Variants in GRM4 observed in about 807,000 individuals in gnomAD.
GRM4 encodes the protein glutamate metabotropic receptor 4, also known as metabotropic glutamate receptor 4.
Under a neutral mutation model 81.7 loss-of-function variants are expected in GRM4, and 28 were observed. The observed-to-expected ratio is 0.34, with a 90% CI of 0.25 to 0.47. The LOEUF is 0.47. GRM4 is among the 20% of genes least tolerant of loss of function. GRM4 has a pLI of 1.00. For synonymous variants in GRM4, 488 were observed against 528.8 expected (o/e 0.92, Z 1.06); for missense variants, 948 against 1,290.0 (o/e 0.73, Z 4.06).
chr6:34,065,060 G>T (rs1766385009), intron 3 of GRM4, among the ~76,000 whole-genome samples: 1 of 152,134 alleles, frequency 6.6e-6, no homozygotes, highest in Admixed American at 6.5e-5. Flanking sequence ...GAATAAAGGG[G>T]CAGTGTTTCA....
intron 1 of GRM4, among the ~76,000 whole-genome samples, chr6:34,153,651 T>C (rs1771090922): frequency 6.6e-6 from 1 of 152,134 alleles, no homozygotes; most frequent in Non-Finnish European, 1.5e-5. Flanking sequence ...TTTGGGAGGC[T>C]GAGGTGGGCG....
At chr6:34,142,949 A>AC (rs35581142) in intron 1 of GRM4, among the ~76,000 whole-genome samples, 39 of 151,384 alleles carry the variant, frequency 2.6e-4, no homozygotes, top group East Asian at 2.5e-3. Context: ...ACATGCTGCC[A>AC]CCCCCCCACC....
chr6:34,061,148 A>T (rs1338407357), intron 4 of GRM4: 3 of 152,246 alleles, frequency 2.0e-5, no homozygotes, highest in African/African-American at 7.2e-5. Context: ...CAGATATCTG[A>T]GGAGACCTGG....
At chr6:34,149,349 CT>C (rs1200292565), upstream of GRM4, among the ~76,000 whole-genome samples, 8 of 152,224 alleles carry the variant, frequency 5.3e-5, no homozygotes, top group Non-Finnish European at 1.0e-4. Flanking sequence ...TTGGTTTCCC[CT>C]AAACCAGGCC....
At chr6:34,066,339 A>G (rs1300533430) in intron 3 of GRM4, among the ~76,000 whole-genome samples, 2 of 152,186 alleles carry the variant, frequency 1.3e-5, no homozygotes, top group African/African-American at 2.4e-5. Flanking sequence ...TGTTTGCCCA[A>G]TGGGATATTA....
chr6:34,044,153 T>TACATAC lies in GRM4; in HGVS notation c.1169-3406_1169-3405insGTATGT, dbSNP rs1228921471. ...ACACACATATACATACATACACATA[T>TACATAC]ATACACATACACACACATATACATA... On this transcript the variant is annotated intron_variant, in intron 6 of 10. Transcript: ENST00000538487. Among the ~76,000 whole-genome samples the TACATAC allele has an allele frequency of 1.1e-3, 145 of 135,906 alleles. 2 individuals carry two copies. The East Asian group carries it at 0.024, about 22-fold the overall frequency. The allele number at this position is 135,906 out of a possible 152,430, so 89.2% of individuals were successfully genotyped here. A position where few individuals can be genotyped will look rare whatever the true frequency, so the allele number is the denominator to read the frequency against.
intron 6 of GRM4, among the ~76,000 whole-genome samples, chr6:34,046,257 C>T (rs1172065977): frequency 6.6e-6 from 1 of 152,204 alleles, no homozygotes; most frequent in African/African-American, 2.4e-5. Flanking sequence ...CACAAACCTT[C>T]ATGCATTTAC....
intron 6 of GRM4, among the ~76,000 whole-genome samples, chr6:34,044,260 A>G (rs1765176820): frequency 6.6e-6 from 1 of 151,428 alleles, no homozygotes; most frequent in African/African-American, 2.4e-5. Flanking sequence ...AGACATACAT[A>G]CATACACATA....
chr6:34,038,640 A>C (rs574259027), intron 8 of GRM4, among the ~76,000 whole-genome samples: 27 of 151,896 alleles, frequency 1.8e-4, no homozygotes, highest in African/African-American at 5.8e-4. Flanking sequence ...ACTCACGGAG[A>C]AAGTGGGGAA....
chr6:34,145,489 A>G (rs1770889425), intron 1 of GRM4, among the ~76,000 whole-genome samples: 1 of 152,230 alleles, frequency 6.6e-6, no homozygotes, highest in African/African-American at 2.4e-5. Context: ...GGGAGCGACC[A>G]GCGAGCGCAG....
intron 6 of GRM4, chr6:34,055,456 C>A: frequency 6.6e-6 from 1 of 152,320 alleles, no homozygotes. Context: ...CACCCACCCT[C>A]ATCACACTCA....
At chr6:34,099,627 G>A (rs760597384) in intron 2 of GRM4, among the ~76,000 whole-genome samples, 1 of 152,178 alleles carries the variant, frequency 6.6e-6, no homozygotes, top group Non-Finnish European at 1.5e-5. Context: ...CGCACCGCTG[G>A]GTTCAGGAGC....
chr6:34,037,161 G>A (rs892021943), intron 8 of GRM4, among the ~76,000 whole-genome samples: 6 of 152,266 alleles, frequency 3.9e-5, no homozygotes, highest in Admixed American at 6.5e-5. Context: ...ACAGCAGGGA[G>A]TTGGATTCAG....
rs370027065 is a variant in GRM4, at chr6:34,039,711, C to T, written c.1506+467G>A. 6.0e-4 allele frequency among the ~76,000 whole-genome samples: 91 copies of T among 152,268 alleles called. 1 individual carries two copies. Among genetic ancestry groups the T allele is most frequent in the Middle Eastern group, 3.4e-3 (1 of 294 alleles). On this transcript the variant is annotated intron_variant, in intron 8 of 10. Transcript: ENST00000538487. The stretch of plus-strand genomic sequence containing the variant: ...AACTGGCAACTGGCTCACTACCCAC[C>T]AGTCAGTGGCACAAATCCCACCGTT...
At chr6:34,128,913 T>C (rs1301847756) in intron 2 of GRM4, among the ~76,000 whole-genome samples, 3 of 152,218 alleles carry the variant, frequency 2.0e-5, no homozygotes, top group Non-Finnish European at 4.4e-5. Context: ...AAATTATTTC[T>C]GGATCCCCCT....
chr6:34,059,028 C>G lies in GRM4; in HGVS notation c.973G>C (p.Glu325Gln), dbSNP rs1012258054. ...GTGACAGCACCCTCAGCCACCTCCT[C>G]CAGGTGCAGCACAGGTGCAATCTTG... Reference protein sequence around the residue: ...GSKIAPVLHLEEVAEGAVTIL... With the variant: ...GSKIAPVLHLQEVAEGAVTIL... Residue 325 changes from glutamate to glutamine, a missense_variant, in exon 5 of 11, where the codon GAG becomes CAG. Transcript: ENST00000538487. This position sits in a 1 kb window ranked among gnomAD's most constrained non-coding sequence, Gnocchi z 5.7. 6.2e-7 allele frequency: 1 copy of G among 1,613,776 alleles called. No individual in the cohort carries two copies.
At chr6:34,099,153 C>T (rs951322836) in intron 2 of GRM4, among the ~76,000 whole-genome samples, 28 of 152,342 alleles carry the variant, frequency 1.8e-4, no homozygotes, top group Admixed American at 1.4e-3. Context: ...GTGAGGGAAA[C>T]GATGGCAGGG....
intron 2 of GRM4, among the ~76,000 whole-genome samples, chr6:34,123,174 G>GGAGA (rs1561826593): frequency 6.6e-6 from 1 of 152,148 alleles, no homozygotes; most frequent in Non-Finnish European, 1.5e-5. Context: ...ACTGGCAAGG[G>GGAGA]GAGACCCTCA....
At chr6:34,094,749 G>A (rs1018150822) in intron 2 of GRM4, among the ~76,000 whole-genome samples, 7 of 152,114 alleles carry the variant, frequency 4.6e-5, no homozygotes, top group Admixed American at 1.3e-4. Context: ...TCAGAAGCTT[G>A]TCCCTACTTC....
Sources: gnomAD v4.1 joint callset for allele counts (sites outside exome capture counted in the v4.1 genomes callset) on GRCh38, gnomAD v4.1.1 for gene constraint, Gnocchi (gnomAD v3.1) non-coding constraint, MANE v1.5 for transcripts, NCBI Gene and HGNC (gene_info 2026-07-23, HGNC 2026-07-21) for gene names.